Variants in FTO observed in about 807,000 individuals in gnomAD.
FTO encodes the protein FTO alpha-ketoglutarate dependent dioxygenase, also known as alpha-ketoglutarate-dependent dioxygenase FTO.
A neutral mutation model predicts 63.9 loss-of-function variants in FTO; 47 were observed. The ratio of observed to expected loss-of-function variants is 0.74; its 90% CI spans 0.58 to 0.94. The LOEUF is 0.94. Among genes scored for constraint, FTO ranks in the 40% least tolerant of loss-of-function variants. FTO has a pLI of 0.00. For synonymous variants in FTO, 207 were observed against 224.4 expected, an observed-to-expected ratio of 0.92 and a Z score of 0.69; for missense variants, 562 against 618.1, an observed-to-expected ratio of 0.91 and a Z score of 0.96.
intron 8 of FTO, among the ~76,000 whole-genome samples, chr16:54,047,099 A>G (rs1205205108): frequency 1.5e-5 from 2 of 131,258 alleles, no homozygotes; most frequent in African/African-American, 2.9e-5. Context: ...ACAAAAGCCA[A>G]AATTGACAAA....
intron 7 of FTO, among the ~76,000 whole-genome samples, chr16:53,933,776 G>C (rs1439454877): frequency 1.3e-5 from 2 of 152,156 alleles, no homozygotes; most frequent in Admixed American, 1.3e-4. Flanking sequence ...TAAGGCAATG[G>C]AGCTTTAGAG....
intron 3 of FTO, among the ~76,000 whole-genome samples, chr16:53,827,631 C>G (rs79222066): frequency 0.032 from 4,886 of 152,234 alleles, 105 homozygotes; most frequent in Non-Finnish European, 0.052. Flanking sequence ...TTCCTCAGAA[C>G]TACTAATATT....
chr16:53,988,862 A>G (rs141202569), intron 8 of FTO, among the ~76,000 whole-genome samples: 49 of 152,178 alleles, frequency 3.2e-4, no homozygotes, highest in African/African-American at 1.2e-3. Flanking sequence ...TTTTCTTTGT[A>G]TTGGTTTTGT....
intron 8 of FTO, among the ~76,000 whole-genome samples, chr16:54,036,496 T>C (rs1275427175): frequency 6.6e-6 from 1 of 152,208 alleles, no homozygotes. Flanking sequence ...AACCTTGAGG[T>C]TCTTTTTGCT....
chr16:53,932,641 C>T (rs1431405427), intron 7 of FTO, among the ~76,000 whole-genome samples: 1 of 152,144 alleles, frequency 6.6e-6, no homozygotes, highest in African/African-American at 2.4e-5. Context: ...CTGCCTGCCT[C>T]AGCCTCCCAA....
At chr16:53,967,991 T>C (rs1161398904) in intron 8 of FTO, among the ~76,000 whole-genome samples, 1 of 152,248 alleles carries the variant, frequency 6.6e-6, no homozygotes, top group Non-Finnish European at 1.5e-5. Flanking sequence ...ATCATTTAAT[T>C]AATTTGTTTT....
intron 6 of FTO, among the ~76,000 whole-genome samples, chr16:53,887,196 GT>G (rs2081023044): frequency 1.3e-5 from 2 of 152,180 alleles, no homozygotes; most frequent in African/African-American, 2.4e-5. Flanking sequence ...TCAGGATGTG[GT>G]TTTTGTCTTT....
chr16:53,939,993 C>T (rs2082489839), intron 8 of FTO, among the ~76,000 whole-genome samples: 1 of 151,962 alleles, frequency 6.6e-6, no homozygotes, highest in Non-Finnish European at 1.5e-5. Flanking sequence ...ATTTTCAGTT[C>T]TCTTGGGTAT....
At chr16:53,719,253 C>CTTTTTTTTTTTTTTTTTTTTTTTTTT (rs10527186) in intron 1 of FTO, among the ~76,000 whole-genome samples, 2 of 135,648 alleles carry the variant, frequency 1.5e-5, no homozygotes, top group Non-Finnish European at 1.6e-5. Flanking sequence ...TCTTCTTCTT[C>CTTTTTTTTTTTTTTTTTTTTTTTTTT]TTTTTTTTTT....
intron 2 of FTO, among the ~76,000 whole-genome samples, chr16:53,816,007 A>C (rs772294299): frequency 2.6e-5 from 4 of 151,860 alleles, no homozygotes; most frequent in African/African-American, 4.8e-5. Context: ...CATGGCCTAA[A>C]ATGGCGCCCA....
intron 7 of FTO, among the ~76,000 whole-genome samples, chr16:53,916,983 C>G (rs1022886244): frequency 6.6e-6 from 1 of 152,078 alleles, no homozygotes; most frequent in Admixed American, 6.5e-5. Context: ...GGGGAGAGTC[C>G]CTGATTGGAG....
chr16:53,997,329 C>T (rs1245446898), intron 8 of FTO, among the ~76,000 whole-genome samples: 2 of 152,036 alleles, frequency 1.3e-5, no homozygotes, highest in African/African-American at 4.8e-5. Flanking sequence ...CACTGAGTCC[C>T]TCCCACAACA....
intron 8 of FTO, among the ~76,000 whole-genome samples, chr16:54,042,871 T>C (rs1283433414): frequency 3.8e-5 from 3 of 79,286 alleles, no homozygotes; most frequent in Non-Finnish European, 6.3e-5. Flanking sequence ...TGGCAGGGTA[T>C]TCCAACAGAC....
chr16:53,903,884 A>G (rs1458861947), intron 7 of FTO, among the ~76,000 whole-genome samples: 2 of 152,092 alleles, frequency 1.3e-5, no homozygotes, highest in African/African-American at 4.8e-5. Context: ...TAGAGTTTGT[A>G]GCAGAGTTTA....
chr16:53,732,740 G>A lies in FTO; in HGVS notation c.45+28511G>A, dbSNP rs75237796. On this transcript the variant is annotated intron_variant, in intron 1 of 8. Transcript: ENST00000471389. ...CATAATAACAGTAGGCATAAAGGAGGGGGGTGGTGGAAAGGCCAGCAGATT... is the reference window on the plus strand; with the variant it reads ...CATAATAACAGTAGGCATAAAGGAGAGGGGTGGTGGAAAGGCCAGCAGATT... Among the ~76,000 whole-genome samples the A allele has an allele frequency of 8.3e-3, 1,270 of 152,294 alleles. 13 individuals carry two copies. The highest frequency in any genetic ancestry group is 0.029 in the African/African-American group (1,209 of 41,552).
chr16:54,109,904 G>T (rs564523367), intron 8 of FTO, among the ~76,000 whole-genome samples: 1 of 152,172 alleles, frequency 6.6e-6, no homozygotes. Flanking sequence ...AGGATAATGT[G>T]TGCACGGACA....
At chr16:53,997,333 C>G (rs1308727146) in intron 8 of FTO, among the ~76,000 whole-genome samples, 1 of 151,952 alleles carries the variant, frequency 6.6e-6, no homozygotes, top group African/African-American at 2.4e-5. Flanking sequence ...GAGTCCCTCC[C>G]ACAACACATG....
At chr16:53,991,250 G>A (rs1037369605) in intron 8 of FTO, 10 of 152,166 alleles carry the variant, frequency 6.6e-5, no homozygotes, top group Non-Finnish European at 1.5e-4. Context: ...TATACTGTTA[G>A]ACACAGATCG....
At position 53,796,839 on chromosome 16, in the gene FTO, G is replaced by A. The variant is rs181501445; in HGVS notation, c.46-13301G>A. ...ATAGAATAAACTGCACATATTTAAA[G>A]TTTTGACATACGTATATACTGGTTA... On this transcript the variant is annotated intron_variant, in intron 1 of 8. Transcript: ENST00000471389. Among the ~76,000 whole-genome samples, 211 of 152,252 alleles carry A rather than the reference G, an allele frequency of 1.4e-3. 1 individual carries two copies. Among genetic ancestry groups the A allele is most frequent in the Admixed American group, 5.0e-3 (76 of 15,292 alleles).
Sources: allele counts gnomAD v4.1 joint callset (sites outside exome capture counted in the v4.1 genomes callset), GRCh38; gene constraint gnomAD v4.1.1; transcripts MANE v1.5; gene names NCBI Gene and HGNC (gene_info 2026-07-23, HGNC 2026-07-21).